Variants in PTGR1 observed in about 807,000 individuals in gnomAD.
PTGR1 encodes prostaglandin reductase 1.
A neutral mutation model predicts 37.7 loss-of-function variants in PTGR1; 23 were observed. That is an observed-to-expected ratio of 0.61 (90% CI 0.44 to 0.86). PTGR1 has a LOEUF of 0.86. Ranked by LOEUF, PTGR1 falls within the 40% of genes least tolerant of loss-of-function variation. The pLI is 0.00. For missense variants in PTGR1, 351 were observed against 394.3 expected, an observed-to-expected ratio of 0.89 and a Z score of 0.93; for synonymous variants, 134 against 140.0, an observed-to-expected ratio of 0.96 and a Z score of 0.30.
At chr9:111,551,533 C>T (rs1174591562) in intron 9 of PTGR1, among the ~76,000 whole-genome samples, 1 of 151,250 alleles carries the variant, frequency 6.6e-6, no homozygotes, top group Non-Finnish European at 1.5e-5. Context: ...TCAGCCTCCC[C>T]AGTAGCTGAG....
intron 9 of PTGR1, among the ~76,000 whole-genome samples, chr9:111,566,503 C>A (rs1047602448): frequency 2.6e-5 from 4 of 152,186 alleles, no homozygotes; most frequent in Non-Finnish European, 5.9e-5. Context: ...AACATGATGT[C>A]ATTTTTCCCC....
chr9:111,569,727 T>C (rs565010223), intron 9 of PTGR1, among the ~76,000 whole-genome samples: 61 of 152,298 alleles, frequency 4.0e-4, no homozygotes, highest in Admixed American at 2.7e-3. Context: ...ATTGTGCCAC[T>C]GCACTCCAGC....
At chr9:111,583,988 CCA>C (rs976169395) in intron 5 of PTGR1, among the ~76,000 whole-genome samples, 1 of 152,174 alleles carries the variant, frequency 6.6e-6, no homozygotes, top group East Asian at 1.9e-4. Context: ...GGCGACATAG[CCA>C]CAGAGTAGCT....
intron 9 of PTGR1, among the ~76,000 whole-genome samples, chr9:111,568,274 T>C (rs1828660787): frequency 6.6e-6 from 1 of 152,130 alleles, no homozygotes; most frequent in African/African-American, 2.4e-5. Flanking sequence ...GGGGAAGGAA[T>C]GCATTCCTGG....
intron 9 of PTGR1, chr9:111,549,904 G>C: frequency 1.4e-6 from 1 of 721,740 alleles, no homozygotes. Context: ...TCCATTTTTT[G>C]TTGGTTTATT....
chr9:111,594,063 CA>C (rs1829702162), intron 3 of PTGR1, among the ~76,000 whole-genome samples, 158 bp downstream of exon 3: 1 of 151,606 alleles, frequency 6.6e-6, no homozygotes, highest in South Asian at 2.1e-4. Context: ...CCTTTGCCTG[CA>C]AAAGACGAGC....
intron 7 of PTGR1, among the ~76,000 whole-genome samples, chr9:111,575,990 C>CA (rs113507485): frequency 0.069 from 10,202 of 147,430 alleles, 587 homozygotes; most frequent in African/African-American, 0.15. Context: ...TCCATCTCTA[C>CA]AAAAAAAAAA....
intron 7 of PTGR1, among the ~76,000 whole-genome samples, chr9:111,575,924 T>C (rs1009418395): frequency 6.6e-6 from 1 of 152,022 alleles, no homozygotes; most frequent in African/African-American, 2.4e-5. Context: ...AAAACTTTCA[T>C]GCTTCAAAGA....
In PTGR1 at chr9:111,584,989, C is replaced by A. The variant is rs149375771; in HGVS notation, c.377+1009G>T. Among the ~76,000 whole-genome samples, 15 of 152,074 alleles carry A rather than the reference C, an allele frequency of 9.9e-5. 1 individual carries two copies. The highest frequency in any genetic ancestry group is 5.9e-4 in the Admixed American group (9 of 15,272). On this transcript the variant is annotated intron_variant, in intron 5 of 9. Coordinates refer to ENST00000407693, the MANE Select transcript of PTGR1 (RefSeq NM_001146108.2). ...TGAATCTCAGCCAATAAAATCCAGA[C>A]CCATTATAGTGATTGTTAAGCCACT... is the stretch of plus-strand genomic sequence containing the variant.
intron 6 of PTGR1, among the ~76,000 whole-genome samples, chr9:111,582,926 T>C (rs940451503): frequency 2.0e-5 from 3 of 152,260 alleles, no homozygotes; most frequent in African/African-American, 7.2e-5. Flanking sequence ...GTCTGAGTTG[T>C]TGCCTACTCT....
At position 111,598,021 on chromosome 9, in the gene PTGR1, T is replaced by C. The variant is rs13299914; in HGVS notation, c.-10-589A>G. Among the ~76,000 whole-genome samples the C allele has an allele frequency of 1.8e-4, 28 of 151,928 alleles. 1 individual carries two copies. Among genetic ancestry groups the C allele is most frequent in the Non-Finnish European group, 5.9e-5 (4 of 67,976 alleles). ...TTTTTTTTTTTTTAAATACTTTTTT[T>C]TCTCTCTTTTCTTGTAGAGAGGAGC... On this transcript the variant is annotated intron_variant, in intron 1 of 9. Transcript: ENST00000407693.
downstream of PTGR1, among the ~76,000 whole-genome samples, chr9:111,561,137 AG>A (rs11310097): frequency 0.039 from 1,374 of 35,640 alleles, 95 homozygotes; most frequent in East Asian, 0.065. Flanking sequence ...AGAGAGAGAG[AG>A]GAGAGAGAGG....
chr9:111,574,113 T>C (rs1828952331), intron 8 of PTGR1: 1 of 152,210 alleles, frequency 6.6e-6, no homozygotes, highest in African/African-American at 2.4e-5. Context: ...GCAATGTCTC[T>C]AATATCCAGA....
At chr9:111,574,885 T>C in intron 7 of PTGR1, 43 bp from the exon 8 acceptor site, 2 of 1,422,044 alleles carry the variant, frequency 1.4e-6, no homozygotes, top group African/African-American at 1.4e-5. Context: ...ATCTAAATAC[T>C]AGAGATTCAG....
intron 4 of PTGR1, 121 bp downstream of exon 4, chr9:111,592,805 C>A: frequency 7.6e-7 from 1 of 1,308,232 alleles, no homozygotes; most frequent in South Asian, 1.9e-5. Flanking sequence ...ATTCCAAGAT[C>A]ACACAGTGAG....
At chr9:111,594,331 G>T in intron 2 of PTGR1, 64 bp from the exon 3 acceptor site, 1 of 1,413,350 alleles carries the variant, frequency 7.1e-7, no homozygotes, top group Non-Finnish European at 1.0e-6. Context: ...AATAGACACT[G>T]AGCACCACTA....
rs1205923143 is a variant in PTGR1 at position 111,594,271 on chromosome 9, C to T, written c.107-4G>A. On this transcript the variant is annotated splice_polypyrimidine_tract_variant and splice_region_variant and intron_variant, in intron 2 of 9. Transcript: ENST00000407693. ...AACAAAGCTTCAAGCAGGACCTCTACAAAATAAAGCATTCCATAGGCAATT... is the reference window on the plus strand; with the variant it reads ...AACAAAGCTTCAAGCAGGACCTCTATAAAATAAAGCATTCCATAGGCAATT... 1.9e-6 allele frequency: 3 copies of T among 1,612,452 alleles called. No individual in the cohort carries two copies. Among genetic ancestry groups the T allele is most frequent in the Non-Finnish European group, 1.7e-6 (2 of 1,178,816 alleles).
At chr9:111,552,974 TA>T (rs1200628975) in intron 9 of PTGR1, among the ~76,000 whole-genome samples, 1 of 152,202 alleles carries the variant, frequency 6.6e-6, no homozygotes, top group East Asian at 1.9e-4. Context: ...AGGTTCTTTG[TA>T]GATGCATGTG....
intron 6 of PTGR1, among the ~76,000 whole-genome samples, chr9:111,580,953 T>C (rs566142325): frequency 1.4e-3 from 212 of 152,302 alleles, no homozygotes; most frequent in Non-Finnish European, 2.2e-3. Flanking sequence ...GGATTGAGTA[T>C]AAATTCCTTA....
Sources: allele counts gnomAD v4.1 joint callset (sites outside exome capture counted in the v4.1 genomes callset), GRCh38; gene constraint gnomAD v4.1.1; transcripts MANE v1.5; gene names NCBI Gene and HGNC (gene_info 2026-07-23, HGNC 2026-07-21).